The following EML1 variants were observed in gnomAD, a reference collection of about 807,000 sequenced individuals.
EML1 encodes the protein EMAP like 1.
EML1 carries 27 observed loss-of-function variants against 110.4 expected under a neutral mutation model. The observed-to-expected ratio is 0.24, with a 90% confidence interval of 0.18 to 0.34. EML1 has a LOEUF of 0.34. Among genes scored for constraint, EML1 ranks in the 10% least tolerant of loss-of-function variants. The pLI, the probability that EML1 is intolerant of heterozygous loss-of-function variation, is 1.00. For missense variants in EML1, 741 were observed against 1,030.9 expected, an observed-to-expected ratio of 0.72 and a Z score of 3.85; for synonymous variants, 344 against 385.8, an observed-to-expected ratio of 0.89 and a Z score of 1.27.
At chr14:99,895,935 A>G (rs1053221514) in intron 6 of EML1, among the ~76,000 whole-genome samples, 3 of 152,142 alleles carry the variant, frequency 2.0e-5, no homozygotes, top group Non-Finnish European at 4.4e-5. Context: ...AATCTAGGCC[A>G]CAAAAATCTG....
At chr14:99,861,294 G>A (rs1420886500) in intron 2 of EML1, among the ~76,000 whole-genome samples, 6 of 152,226 alleles carry the variant, frequency 3.9e-5, no homozygotes, top group African/African-American at 1.2e-4. Flanking sequence ...AGGGCAAGGC[G>A]CTGTGGGAGC....
At position 99,840,938 on chromosome 14, in the gene EML1, TG is replaced by T. The variant is rs145706768; in HGVS notation, c.68-9913del. On this transcript the variant is annotated intron_variant, in intron 1 of 21. Coordinates refer to ENST00000262233, the MANE Select transcript of EML1 (RefSeq NM_004434.3). ...CTGTAAATAGCTACATGAGGACCTA[TG>T]GTAAAAGCAGAGCTACAAGGTCTTC... Among the ~76,000 whole-genome samples, 751 of 152,332 alleles carry T rather than the reference TG, an allele frequency of 4.9e-3. 23 individuals carry two copies. Among genetic ancestry groups the T allele is most frequent in the East Asian group, 0.037 (194 of 5,186 alleles).
At chr14:99,757,245 A>C (rs1045308238) in intron 1 of EML1, among the ~76,000 whole-genome samples, 7 of 152,048 alleles carry the variant, frequency 4.6e-5, no homozygotes, top group Non-Finnish European at 8.8e-5. Context: ...AGGCTGAGAC[A>C]GGAGAATCAC....
chr14:99,936,643 TG>T lies in EML1; in HGVS notation c.2095+311del, dbSNP rs1407769704. On this transcript the variant is annotated intron_variant, in intron 19 of 21. Transcript: ENST00000262233. This position sits in a 1 kb window ranked among gnomAD's most constrained non-coding sequence, Gnocchi z 5.5. ...TGTGGCAGAAGGGGGCGGGTCCGGGTGGATGTGGCCGAAGTGGGTGGGTCCG... is the reference window on the plus strand; with the variant it reads ...TGTGGCAGAAGGGGGCGGGTCCGGGTGATGTGGCCGAAGTGGGTGGGTCCG... Among the ~76,000 whole-genome samples, 1 of 151,086 alleles carries T rather than the reference TG, an allele frequency of 6.6e-6. No homozygotes were observed. The highest frequency in any genetic ancestry group is 1.9e-4 in the East Asian group (1 of 5,150).
chr14:99,919,981 CTTATCCAT>C (rs949307738), intron 16 of EML1, among the ~76,000 whole-genome samples: 5 of 152,124 alleles, frequency 3.3e-5, no homozygotes, highest in Non-Finnish European at 5.9e-5. Flanking sequence ...TCCATTTATC[CTTATCCAT>C]TTATCCATTT....
intron 6 of EML1, among the ~76,000 whole-genome samples, chr14:99,896,740 A>AT (rs59854121): frequency 0.43 from 63,676 of 147,386 alleles, 14,545 homozygotes; most frequent in East Asian, 0.56. Context: ...GAGGGGCCTG[A>AT]TTTTTTTTTT....
chr14:99,850,755 A>G (rs749548053), intron 1 of EML1, 98 bp from the exon 2 acceptor site: 59 of 1,348,006 alleles, frequency 4.4e-5, no homozygotes, highest in Non-Finnish European at 5.7e-5. Context: ...TTACTATGTT[A>G]AAACAATGGG....
chr14:99,738,925 C>T (rs8012420), intron 1 of EML1, among the ~76,000 whole-genome samples: 4,762 of 152,162 alleles, frequency 0.031, 232 homozygotes, highest in African/African-American at 0.1. Flanking sequence ...CGGAGGCTCT[C>T]GGAACTCATC....
rs142708957 is a variant in EML1, at chr14:99,741,918, G to A, written c.28+4058G>A. On this transcript the variant is annotated intron_variant, in intron 1 of 10. Transcript: ENST00000554479. ...CCTCTGAGATGACCTGGTGAATCGTGCCAACGTGGCCCCCTGCCCTGCTCG... is the reference window on the plus strand; with the variant it reads ...CCTCTGAGATGACCTGGTGAATCGTACCAACGTGGCCCCCTGCCCTGCTCG... 4.1e-3 allele frequency among the ~76,000 whole-genome samples: 619 copies of A among 152,234 alleles called. 6 individuals are homozygous for A. Among genetic ancestry groups the A allele is most frequent in the African/African-American group, 0.014 (582 of 41,534 alleles).
chr14:99,845,743 TG>T (rs1413404636), intron 1 of EML1, among the ~76,000 whole-genome samples: 1 of 152,198 alleles, frequency 6.6e-6, no homozygotes, highest in Non-Finnish European at 1.5e-5. Flanking sequence ...AACAATTATC[TG>T]TTACTTAGAA....
rs376406870 is a variant in EML1 at position 99,785,876 on chromosome 14, C to T, written c.-27+11863C>T. On this transcript the variant is annotated intron_variant, in intron 1 of 22. Coordinates refer to the EML1 transcript ENST00000327921. ...CAGGTATTTCCAAAGCACTGAGAAA[C>T]ACATCAATAGAGATGTGGCTGGGGA... is the stretch of plus-strand genomic sequence containing the variant. Among the ~76,000 whole-genome samples the T allele has an allele frequency of 2.4e-4, 37 of 152,142 alleles. No homozygotes were observed. In the East Asian group the frequency reaches 7.2e-3, roughly 29 times the overall value.
chr14:99,879,901 C>A (rs1358927959), intron 4 of EML1, among the ~76,000 whole-genome samples: 1 of 152,150 alleles, frequency 6.6e-6, no homozygotes, highest in Non-Finnish European at 1.5e-5. Context: ...CTTGGCTCCT[C>A]CTCTGCACAT....
At chr14:99,899,213 T>C (rs1213696186) in intron 8 of EML1, among the ~76,000 whole-genome samples, 1 of 152,148 alleles carries the variant, frequency 6.6e-6, no homozygotes, top group Non-Finnish European at 1.5e-5. Context: ...GTACATACAT[T>C]TTATCAACAT....
intron 1 of EML1, among the ~76,000 whole-genome samples, chr14:99,759,975 C>T (rs1055926366): frequency 2.1e-5 from 3 of 144,412 alleles, no homozygotes; most frequent in African/African-American, 5.1e-5. Context: ...GGCGTGGTGG[C>T]GGGTGCCTGT....
chr14:99,908,438 C>T (rs972908036), intron 10 of EML1, among the ~76,000 whole-genome samples: 3 of 152,216 alleles, frequency 2.0e-5, no homozygotes, highest in African/African-American at 7.2e-5. Flanking sequence ...ACCTAACTTT[C>T]TCTGCTGCAT....
intron 1 of EML1, among the ~76,000 whole-genome samples, chr14:99,832,757 G>C (rs2058480105): frequency 6.6e-6 from 1 of 152,024 alleles, no homozygotes; most frequent in African/African-American, 2.4e-5. Context: ...ATATATTCTG[G>C]ATACAAGTTC....
chr14:99,801,073 C>T (rs1170866588), intron 1 of EML1, among the ~76,000 whole-genome samples: 3 of 152,332 alleles, frequency 2.0e-5, no homozygotes, highest in Non-Finnish European at 4.4e-5. Flanking sequence ...CTGGTGGTAC[C>T]CTTCACTCTG....
chr14:99,939,885 G>C lies in EML1; in HGVS notation c.2323-102G>C, dbSNP rs1026450059. On this transcript the variant is annotated intron_variant, in intron 21 of 21. Transcript: ENST00000262233. This position sits in a 1 kb window ranked among gnomAD's most constrained non-coding sequence, Gnocchi z 4.2. ...AAGTGAGAGCTGCCGAGCGGAGGGC[G>C]AGTAAAGGAATTAAGGCATGCAGTG... 4 of 1,379,220 alleles carry C rather than the reference G, an allele frequency of 2.9e-6. No homozygotes were observed. In the African/African-American group the frequency reaches 5.9e-5, roughly 20 times the overall value. The allele number at this position is 1,379,220 out of a possible 1,614,324, so 85.4% of individuals were successfully genotyped here.
chr14:99,938,849 A>G (rs907396528), intron 20 of EML1, among the ~76,000 whole-genome samples: 1 of 152,226 alleles, frequency 6.6e-6, no homozygotes, highest in African/African-American at 2.4e-5. Flanking sequence ...GCTTCCCACA[A>G]GATGCTTCAG....
Sources: gnomAD v4.1 joint callset for allele counts (sites outside exome capture counted in the v4.1 genomes callset) on GRCh38, gnomAD v4.1.1 for gene constraint, Gnocchi (gnomAD v3.1) non-coding constraint, MANE v1.5 for transcripts, NCBI Gene and HGNC (gene_info 2026-07-23, HGNC 2026-07-21) for gene names.